Variants in PLCB4 observed in about 807,000 individuals in gnomAD.
PLCB4 encodes the protein phospholipase C beta 4.
A neutral mutation model predicts 178.8 loss-of-function variants in PLCB4; 77 were observed. The observed-to-expected ratio is 0.43, with a 90% CI of 0.36 to 0.52. The LOEUF (loss-of-function observed/expected upper bound fraction) is 0.52. Among genes scored for constraint, PLCB4 ranks in the 20% least tolerant of loss-of-function variants. PLCB4 has a pLI of 0.00. For missense variants in PLCB4, 1,024 were observed against 1,453.4 expected, an observed-to-expected ratio of 0.70 and a Z score of 4.80; for synonymous variants, 496 against 490.8, an observed-to-expected ratio of 1.01 and a Z score of -0.14.
At chr20:9,188,619 ATAGTGACATTC>A (rs2093360632) in intron 2 of PLCB4, among the ~76,000 whole-genome samples, 1 of 135,712 alleles carries the variant, frequency 7.4e-6, no homozygotes, top group East Asian at 2.2e-4. Context: ...GGGCTGTCAT[ATAGTGACATTC>A]TGGGTTGGTT....
intron 35 of PLCB4, among the ~76,000 whole-genome samples, chr20:9,462,623 C>G (rs1384574676): frequency 2.6e-5 from 4 of 152,142 alleles, no homozygotes; most frequent in African/African-American, 7.2e-5. Context: ...GACACATGCA[C>G]AAGCTTCAAT....
At chr20:9,363,934 G>A (rs1445806214) in intron 8 of PLCB4, among the ~76,000 whole-genome samples, 1 of 152,162 alleles carries the variant, frequency 6.6e-6, no homozygotes, top group Admixed American at 6.6e-5. Flanking sequence ...GTGCTTACAG[G>A]TGTGGTCTCT....
intron 1 of PLCB4, among the ~76,000 whole-genome samples, chr20:9,089,382 ATAACT>A (rs1030496498): frequency 6.6e-5 from 10 of 152,122 alleles, no homozygotes; most frequent in African/African-American, 1.4e-4. Context: ...ATATTGGAAA[ATAACT>A]TAAAAGCACA....
chr20:9,356,068 T>C (rs952995391), intron 7 of PLCB4, among the ~76,000 whole-genome samples: 4 of 152,274 alleles, frequency 2.6e-5, no homozygotes, highest in East Asian at 1.9e-4. Context: ...CATTTTTTCA[T>C]GTGTCTTTTG....
intron 3 of PLCB4, among the ~76,000 whole-genome samples, chr20:9,246,036 T>G (rs1412189186): frequency 6.6e-6 from 1 of 152,130 alleles, no homozygotes; most frequent in Admixed American, 6.6e-5. Context: ...ATTGAAGACA[T>G]TTTTGCAACA....
chr20:9,351,014 G>A (rs1008224258), intron 7 of PLCB4, among the ~76,000 whole-genome samples: 2 of 152,128 alleles, frequency 1.3e-5, no homozygotes, highest in Admixed American at 6.5e-5. Flanking sequence ...AGTACTTCCC[G>A]AATTAGTGGC....
At chr20:9,363,597 T>G (rs1054719942) in intron 8 of PLCB4, among the ~76,000 whole-genome samples, 2 of 152,232 alleles carry the variant, frequency 1.3e-5, no homozygotes, top group African/African-American at 4.8e-5. Context: ...AGAGGAGTAC[T>G]ACAGTGGTAG....
At chr20:9,123,684 C>CT (rs1193446849) in intron 2 of PLCB4, among the ~76,000 whole-genome samples, 5 of 151,924 alleles carry the variant, frequency 3.3e-5, no homozygotes, top group African/African-American at 7.2e-5. Context: ...TTCACCCAAA[C>CT]TTTTACAAAG....
Position 9,339,984 on chromosome 20 carries a change from A to G in PLCB4, c.369+947A>G, listed in dbSNP as rs555040595. On this transcript the variant is annotated intron_variant, in intron 7 of 39. Transcript: ENST00000378473. ...CCATTATCTTTCTGTAATGTGTGTG[A>G]AAAGGACTAAGCCTTCACTTTCCAT... is the stretch of plus-strand genomic sequence containing the variant. 2.0e-5 allele frequency among the ~76,000 whole-genome samples: 3 copies of G among 152,250 alleles called. No homozygotes were observed. In the South Asian group the frequency reaches 6.2e-4, roughly 32 times the overall value.
intron 2 of PLCB4, among the ~76,000 whole-genome samples, chr20:9,198,786 T>G (rs1199522586): frequency 1.3e-5 from 2 of 152,202 alleles, no homozygotes; most frequent in African/African-American, 2.4e-5. Context: ...ACCCTACTCA[T>G]GAGGAATAGA....
intron 3 of PLCB4, among the ~76,000 whole-genome samples, chr20:9,296,973 C>T (rs1044002901): frequency 1.9e-4 from 29 of 151,996 alleles, no homozygotes; most frequent in South Asian, 4.2e-4. Context: ...CTAACCTGCA[C>T]GTTGTGCACA....
chr20:9,416,921 G>A (rs1032507282), intron 25 of PLCB4, among the ~76,000 whole-genome samples: 1 of 152,074 alleles, frequency 6.6e-6, no homozygotes, highest in African/African-American at 2.4e-5. Context: ...AATGAATGGT[G>A]ACTTTTTCAA....
At chr20:9,324,500 G>A (rs1190162632) in intron 4 of PLCB4, among the ~76,000 whole-genome samples, 2 of 152,140 alleles carry the variant, frequency 1.3e-5, no homozygotes, top group Admixed American at 1.3e-4. Context: ...GAATGTGGGG[G>A]AAATAATATG....
intron 3 of PLCB4, chr20:9,280,582 C>G (rs990574304): frequency 2.9e-6 from 1 of 347,704 alleles, no homozygotes; most frequent in African/African-American, 2.2e-5. Context: ...AAAACTGATG[C>G]CTGCCTTGCT....
chr20:9,113,401 C>T lies in PLCB4; in HGVS notation c.-79+17059C>T, dbSNP rs190872687. Among the ~76,000 whole-genome samples the T allele has an allele frequency of 2.9e-3, 440 of 152,136 alleles. 1 individual carries two copies. The highest frequency in any genetic ancestry group is 0.01 in the African/African-American group (423 of 41,514). ...CACATTCTGATTGTGCAGAAGTGCC[C>T]GCGGGATGTGTAGTCTACATTCTAA... On this transcript the variant is annotated intron_variant, in intron 2 of 39. Transcript: ENST00000378473.
At chr20:9,082,538 G>A (rs6086756) in intron 1 of PLCB4, among the ~76,000 whole-genome samples, 74,137 of 151,954 alleles carry the variant, frequency 0.49, 18,574 homozygotes, top group Middle Eastern at 0.57. Flanking sequence ...GCTTTGTGTC[G>A]AAAAGTGCTA....
intron 4 of PLCB4, among the ~76,000 whole-genome samples, chr20:9,311,276 G>A (rs1601767625): frequency 6.6e-6 from 1 of 152,160 alleles, no homozygotes; most frequent in South Asian, 2.1e-4. Context: ...TCAGTTTCCA[G>A]GACTGTTGAC....
At chr20:9,373,191 G>A (rs966357542) in intron 12 of PLCB4, 87 bp downstream of exon 12, 24 of 639,316 alleles carry the variant, frequency 3.8e-5, no homozygotes, top group African/African-American at 3.5e-4. Context: ...TGCATCATAT[G>A]CCCTTATTCG....
At chr20:9,084,307 A>G (rs566876994) in intron 1 of PLCB4, among the ~76,000 whole-genome samples, 1 of 152,178 alleles carries the variant, frequency 6.6e-6, no homozygotes, top group Admixed American at 6.5e-5. Flanking sequence ...TTTTTCCATA[A>G]TTAGGAACTT....
Sources: gnomAD v4.1 joint callset for allele counts (sites outside exome capture counted in the v4.1 genomes callset) on GRCh38, gnomAD v4.1.1 for gene constraint, MANE v1.5 for transcripts, NCBI Gene and HGNC (gene_info 2026-07-23, HGNC 2026-07-21) for gene names.